The following NBEA variants were observed in gnomAD, a reference collection of about 807,000 sequenced individuals.
NBEA encodes the protein lysosomal-trafficking regulator 2.
A neutral mutation model predicts 343.4 loss-of-function variants in NBEA; 44 were observed. The ratio of observed to expected loss-of-function variants is 0.13; its 90% confidence interval spans 0.10 to 0.16. The LOEUF (loss-of-function observed/expected upper bound fraction) is 0.16. NBEA is among the 10% of genes least tolerant of loss of function. The pLI, the probability that NBEA is intolerant of heterozygous loss-of-function variation, is 1.00. For missense variants in NBEA, 2,555 were observed against 3,631.3 expected (o/e 0.70, Z 7.62); for synonymous variants, 1,175 against 1,238.7 (o/e 0.95, Z 1.08).
chr13:35,383,415 A>C (rs1053779202), intron 38 of NBEA, among the ~76,000 whole-genome samples: 30 of 152,184 alleles, frequency 2.0e-4, no homozygotes, highest in African/African-American at 7.0e-4. Flanking sequence ...TGTTCATGTA[A>C]CATAGTTCAG....
intron 1 of NBEA, among the ~76,000 whole-genome samples, chr13:34,952,830 T>C (rs760005898): frequency 2.0e-5 from 3 of 152,176 alleles, no homozygotes; most frequent in Non-Finnish European, 4.4e-5. Flanking sequence ...TTATGTTATT[T>C]AATTTTTTTA....
chr13:35,394,161 C>T (rs1566069405), intron 38 of NBEA, among the ~76,000 whole-genome samples: 2 of 152,072 alleles, frequency 1.3e-5, no homozygotes, highest in African/African-American at 2.4e-5. Context: ...CTTTTTGCTC[C>T]CAATCATTGA....
chr13:35,136,657 A>G (rs1423421468), intron 17 of NBEA, among the ~76,000 whole-genome samples: 4 of 152,262 alleles, frequency 2.6e-5, no homozygotes, highest in Non-Finnish European at 5.9e-5. Context: ...GGCTGGCCTC[A>G]GACTTCTCCC....
intron 38 of NBEA, among the ~76,000 whole-genome samples, chr13:35,380,429 AGAGT>A (rs768934852): frequency 9.2e-5 from 14 of 152,106 alleles, no homozygotes; most frequent in Non-Finnish European, 1.6e-4. Flanking sequence ...TGGGCAAGAC[AGAGT>A]GAGACTCTTG....
rs549896210 is a variant in NBEA, at chr13:35,649,157, C to T, written c.7771-498C>T. Among the ~76,000 whole-genome samples the T allele has an allele frequency of 7.0e-4, 106 of 152,252 alleles. 1 individual carries two copies. The highest frequency in any genetic ancestry group is 2.2e-3 in the African/African-American group (93 of 41,548). On this transcript the variant is annotated intron_variant, in intron 51 of 58. Transcript: ENST00000379939. ...TGGGGAGAACTGCCAGGGAAGCGCTCGGCTGCTTTATGGGGCTACTGTATT... is the reference window on the plus strand; with the variant it reads ...TGGGGAGAACTGCCAGGGAAGCGCTTGGCTGCTTTATGGGGCTACTGTATT...
chr13:35,137,094 A>G (rs1405304447), intron 17 of NBEA, among the ~76,000 whole-genome samples: 2 of 152,246 alleles, frequency 1.3e-5, no homozygotes. Context: ...TTAGTTAATT[A>G]TGTAACACTT....
intron 45 of NBEA, among the ~76,000 whole-genome samples, chr13:35,573,388 TCTC>T (rs1023219145): frequency 6.6e-6 from 1 of 152,166 alleles, no homozygotes; most frequent in African/African-American, 2.4e-5. Flanking sequence ...ATTAAGCTGT[TCTC>T]CTTCTAATTG....
At chr13:35,661,760 C>T (rs1278449601) in intron 55 of NBEA, among the ~76,000 whole-genome samples, 3 of 152,164 alleles carry the variant, frequency 2.0e-5, no homozygotes, top group Non-Finnish European at 4.4e-5. Context: ...TTGACTAAAT[C>T]CCTTATTCTG....
intron 49 of NBEA, 119 bp downstream of exon 49, chr13:35,628,367 C>G (rs965543385): frequency 3.9e-6 from 3 of 763,622 alleles, no homozygotes; most frequent in Middle Eastern, 3.7e-4. Context: ...AAACAGATTT[C>G]AGGTTCTTGA....
chr13:35,110,060 T>G (rs1460535835), intron 12 of NBEA, among the ~76,000 whole-genome samples: 1 of 148,542 alleles, frequency 6.7e-6, no homozygotes, highest in Admixed American at 6.7e-5. Flanking sequence ...TTAAATGTTT[T>G]TTTTTTTTAT....
At chr13:35,561,850 C>T (rs948633549) in intron 44 of NBEA, among the ~76,000 whole-genome samples, 4 of 151,940 alleles carry the variant, frequency 2.6e-5, no homozygotes, top group Admixed American at 6.6e-5. Context: ...CCAAATATCC[C>T]GGAAACGTAT....
At chr13:35,461,467 A>G (rs2046901584) in intron 40 of NBEA, among the ~76,000 whole-genome samples, 1 of 152,070 alleles carries the variant, frequency 6.6e-6, no homozygotes, top group Non-Finnish European at 1.5e-5. Context: ...AGGAAACCAT[A>G]TTTTTCTATA....
At chr13:35,381,711 A>G (rs1398372611) in intron 38 of NBEA, among the ~76,000 whole-genome samples, 4 of 152,070 alleles carry the variant, frequency 2.6e-5, no homozygotes, top group African/African-American at 9.7e-5. Flanking sequence ...AAGCAACTCA[A>G]TTTTACAAAT....
At chr13:35,325,671 C>T (rs2038504927) in intron 36 of NBEA, among the ~76,000 whole-genome samples, 1 of 151,970 alleles carries the variant, frequency 6.6e-6, no homozygotes, top group Admixed American at 6.6e-5. Flanking sequence ...GGTAATGATT[C>T]TCCAAAATGC....
intron 38 of NBEA, among the ~76,000 whole-genome samples, chr13:35,427,119 T>C (rs2044735576): frequency 6.6e-6 from 1 of 152,222 alleles, no homozygotes; most frequent in Non-Finnish European, 1.5e-5. Context: ...ATCTGAAGCC[T>C]TCTTCTCTCA....
intron 34 of NBEA, among the ~76,000 whole-genome samples, chr13:35,247,105 C>A (rs2031323229): frequency 6.6e-6 from 1 of 152,154 alleles, no homozygotes; most frequent in African/African-American, 2.4e-5. Context: ...AGTTCCCACT[C>A]AACCCAGATG....
At chr13:35,380,250 G>C (rs1398784214) in intron 38 of NBEA, among the ~76,000 whole-genome samples, 1 of 151,800 alleles carries the variant, frequency 6.6e-6, no homozygotes, top group East Asian at 1.9e-4. Context: ...CTCAAGACCA[G>C]CCTCGCCAAC....
At chr13:35,040,613 C>T (rs1178996345) in intron 1 of NBEA, among the ~76,000 whole-genome samples, 1 of 151,742 alleles carries the variant, frequency 6.6e-6, no homozygotes, top group Non-Finnish European at 1.5e-5. Context: ...GTTGATTATC[C>T]CTTTTAAAGG....
Position 35,460,560 on chromosome 13 carries a change from CA to C in NBEA, c.6448+8330del, listed in dbSNP as rs556851789. Among the ~76,000 whole-genome samples the C allele has an allele frequency of 9.7e-3, 1,480 of 152,222 alleles. 20 individuals carry two copies. The highest frequency in any genetic ancestry group is 0.033 in the African/African-American group (1,390 of 41,548). On this transcript the variant is annotated intron_variant, in intron 40 of 58. Transcript: ENST00000379939. ...CCTCTTTGCCTCTTTTCATTATTTT[CA>C]AAAAGTCTACAGGTCCTTTTAGAAT...
Sources: allele counts gnomAD v4.1 joint callset (sites outside exome capture counted in the v4.1 genomes callset), GRCh38; gene constraint gnomAD v4.1.1; transcripts MANE v1.5; gene names NCBI Gene and HGNC (gene_info 2026-07-23, HGNC 2026-07-21).